Variants in CTPS2 observed in about 807,000 individuals in gnomAD.
The protein encoded by CTPS2 is CTP synthase 2.
CTPS2 carries 19 observed loss-of-function variants against 46.8 expected under a neutral mutation model. The observed-to-expected ratio is 0.41, with a 90% CI of 0.28 to 0.60. The LOEUF is 0.60. Among genes scored for constraint, CTPS2 ranks in the 20% least tolerant of loss-of-function variants. The pLI is 0.35. For synonymous variants in CTPS2, 151 were observed against 165.2 expected, an observed-to-expected ratio of 0.91 and a Z score of 0.66; for missense variants, 286 against 447.6, an observed-to-expected ratio of 0.64 and a Z score of 3.26.
At chrX:16,602,754 T>C (rs1343115995) in intron 17 of CTPS2, among the ~76,000 whole-genome samples, 1 of 112,677 alleles carries the variant, frequency 8.9e-6, no homozygotes, top group Non-Finnish European at 1.9e-5. Context: ...CATCCACTGA[T>C]GATCCTTATT....
chrX:16,644,712 T>C (rs2147251317), intron 13 of CTPS2, among the ~76,000 whole-genome samples: 1 of 112,358 alleles, frequency 8.9e-6, no homozygotes, highest in African/African-American at 3.2e-5. Context: ...CAACCCACTT[T>C]ATATCTCTGA....
Position 16,609,695 on chromosome X carries a change from GAACA to G in CTPS2, c.1547-14_1547-11del, listed in dbSNP as rs774870020. 42 of 1,198,815 alleles carry G rather than the reference GAACA, an allele frequency of 3.5e-5. No individual in the cohort carries two copies. The highest frequency in any genetic ancestry group is 4.5e-5 in the Non-Finnish European group (40 of 888,408). On this transcript the variant is annotated splice_polypyrimidine_tract_variant and intron_variant, in intron 16 of 18. Coordinates refer to ENST00000359276, the MANE Select transcript of CTPS2 (RefSeq NM_175859.3). ...ACAAAATAAGGATGATCTGAAATGAGAACAATCACGATGCGATTAAAGCAGACAA... is the reference window on the plus strand; with the variant it reads ...ACAAAATAAGGATGATCTGAAATGAGATCACGATGCGATTAAAGCAGACAA...
intron 10 of CTPS2, among the ~76,000 whole-genome samples, chrX:16,675,711 G>A (rs892767529): frequency 1.8e-5 from 2 of 111,275 alleles, no homozygotes; most frequent in African/African-American, 6.5e-5. Context: ...CTCTTTAGAA[G>A]GTAGTTAAAA....
In CTPS2 at chrX:16,708,248, TC is replaced by T. The variant is rs199700051; in HGVS notation, c.-40+4086del. 4.3e-4 allele frequency among the ~76,000 whole-genome samples: 48 copies of T among 111,764 alleles called. 1 individual carries two copies. The East Asian group carries it at 0.01, about 24-fold the overall frequency. Reference sequence around the variant, plus strand: ...GTTATCACACGTCAGAGCTGTGAATTCCATTTGAACTAGCTGACCATGGTCA... The same window carrying T: ...GTTATCACACGTCAGAGCTGTGAATTCATTTGAACTAGCTGACCATGGTCA... On this transcript the variant is annotated intron_variant, in intron 1 of 18. Transcript: ENST00000359276.
intron 8 of CTPS2, among the ~76,000 whole-genome samples, chrX:16,685,038 C>G (rs1280881773): frequency 9.0e-6 from 1 of 111,194 alleles, no homozygotes; most frequent in Non-Finnish European, 1.9e-5. Flanking sequence ...TTGCAGTGAA[C>G]CGAGATCATG....
chrX:16,655,984 C>T (rs994437009), intron 13 of CTPS2, among the ~76,000 whole-genome samples: 3 of 109,918 alleles, frequency 2.7e-5, no homozygotes, highest in East Asian at 2.9e-4. Flanking sequence ...TTAGTAGAGA[C>T]GGGGTTTCAC....
chrX:16,628,501 G>T (rs1931283106), intron 14 of CTPS2, among the ~76,000 whole-genome samples: 1 of 110,747 alleles, frequency 9.0e-6, no homozygotes, highest in African/African-American at 3.3e-5. Flanking sequence ...AAGTAGCTGG[G>T]ATTACAGGCA....
chrX:16,614,872 G>A (rs1930447752), intron 16 of CTPS2, among the ~76,000 whole-genome samples: 2 of 111,550 alleles, frequency 1.8e-5, no homozygotes, highest in African/African-American at 6.5e-5. Context: ...AAAACCTGCC[G>A]CTACAAAAAA....
chrX:16,594,917 A>C (rs1929145728), intron 17 of CTPS2, among the ~76,000 whole-genome samples: 1 of 112,927 alleles, frequency 8.9e-6, no homozygotes, highest in Non-Finnish European at 1.9e-5. Flanking sequence ...GCCAATAAAA[A>C]ACAACTGCTA....
At chrX:16,614,828 G>A (rs991433181) in intron 16 of CTPS2, among the ~76,000 whole-genome samples, 1 of 111,036 alleles carries the variant, frequency 9.0e-6, no homozygotes, top group South Asian at 3.9e-4. Flanking sequence ...AAGAGGCCTT[G>A]AGCCCAGGTG....
intron 14 of CTPS2, among the ~76,000 whole-genome samples, chrX:16,629,252 A>G (rs1033152849): frequency 1.8e-5 from 2 of 112,644 alleles, no homozygotes; most frequent in Non-Finnish European, 3.8e-5. Context: ...TCCCAGACCT[A>G]TGAACCTCCA....
rs758293279 is a variant in CTPS2, at chrX:16,693,233, A to C, written c.556-9T>G. ...TCTCCGGTAGCACTGAGCTGAAAAA[A>C]AATGGGGTCCCGTCAGCACACTGGA... On this transcript the variant is annotated splice_polypyrimidine_tract_variant and intron_variant, in intron 5 of 18. Transcript: ENST00000359276. 1.3e-5 allele frequency: 15 copies of C among 1,199,305 alleles called. No homozygotes were observed. The highest frequency in any genetic ancestry group is 1.5e-5 in the Non-Finnish European group (13 of 884,826).
intron 2 of CTPS2, among the ~76,000 whole-genome samples, chrX:16,699,594 G>A (rs1407508995): frequency 3.6e-5 from 4 of 112,668 alleles, no homozygotes; most frequent in Non-Finnish European, 5.6e-5. Context: ...ACAATGCACT[G>A]TCATAAAAGA....
intron 10 of CTPS2, among the ~76,000 whole-genome samples, chrX:16,676,341 C>T (rs1018437246): frequency 3.6e-5 from 4 of 111,459 alleles, no homozygotes; most frequent in Non-Finnish European, 5.6e-5. Flanking sequence ...CACTTTCTGA[C>T]AGGTCCAGGA....
chrX:16,705,305 C>G (rs1462368387), intron 1 of CTPS2, among the ~76,000 whole-genome samples: 1 of 112,392 alleles, frequency 8.9e-6, no homozygotes, highest in Non-Finnish European at 1.9e-5. Flanking sequence ...TGACTGAGTC[C>G]TGTTACACCA....
intron 9 of CTPS2, among the ~76,000 whole-genome samples, chrX:16,679,976 C>A (rs905159136): frequency 9.0e-6 from 1 of 111,363 alleles, no homozygotes; most frequent in Non-Finnish European, 1.9e-5. Flanking sequence ...ACGACAGGAA[C>A]AGAGAGAACC....
chrX:16,680,882 T>A (rs1212069304), intron 9 of CTPS2, among the ~76,000 whole-genome samples: 1 of 108,268 alleles, frequency 9.2e-6, no homozygotes, highest in Non-Finnish European at 1.9e-5. Context: ...CGAGACCCCG[T>A]CTCTATAAAA....
chrX:16,698,007 T>A (rs1924257673), intron 4 of CTPS2, among the ~76,000 whole-genome samples: 1 of 110,999 alleles, frequency 9.0e-6, no homozygotes, highest in Admixed American at 9.7e-5. Flanking sequence ...AGCAGATCAC[T>A]GCACGTCCAC....
intron 10 of CTPS2, among the ~76,000 whole-genome samples, chrX:16,676,478 G>C (rs1406165633): frequency 8.9e-6 from 1 of 112,146 alleles, no homozygotes; most frequent in Non-Finnish European, 1.9e-5. Flanking sequence ...ATGGAATAAG[G>C]TTCTGTCAAA....
Sources: gnomAD v4.1 joint callset for allele counts (sites outside exome capture counted in the v4.1 genomes callset) on GRCh38, gnomAD v4.1.1 for gene constraint, MANE v1.5 for transcripts, NCBI Gene and HGNC (gene_info 2026-07-23, HGNC 2026-07-21) for gene names.